The following DCC variants were observed in gnomAD, a reference collection of about 807,000 sequenced individuals.
The protein encoded by DCC is netrin receptor DCC.
DCC carries 58 observed loss-of-function variants against 172.5 expected under a neutral mutation model. The observed-to-expected ratio is 0.34, with a 90% CI of 0.27 to 0.42. The LOEUF is 0.42. Among genes scored for constraint, DCC ranks in the 10% least tolerant of loss-of-function variants. DCC has a pLI of 1.00. For missense variants in DCC, 1,740 were observed against 1,791.0 expected (o/e 0.97, Z 0.51); for synonymous variants, 709 against 644.5 (o/e 1.10, Z -1.52).
At chr18:53,131,629 ACATGCCCAT>A (rs572516236) in intron 7 of DCC, among the ~76,000 whole-genome samples, 13 of 152,152 alleles carry the variant, frequency 8.5e-5, no homozygotes, top group Non-Finnish European at 1.6e-4. Flanking sequence ...AGAACCTATG[ACATGCCCAT>A]CACTGTGTAG....
chr18:53,433,142 T>C (rs531088633), intron 21 of DCC, among the ~76,000 whole-genome samples: 24 of 152,264 alleles, frequency 1.6e-4, no homozygotes, highest in African/African-American at 5.3e-4. Context: ...AGCTACTCCT[T>C]GTTATTTAGA....
intron 1 of DCC, among the ~76,000 whole-genome samples, chr18:52,348,966 G>T (rs1469136602): frequency 6.6e-6 from 1 of 152,052 alleles, no homozygotes; most frequent in African/African-American, 2.4e-5. Flanking sequence ...TTAATTTGAG[G>T]CTCCTTATGA....
chr18:53,388,195 A>C (rs1377455103), intron 16 of DCC, among the ~76,000 whole-genome samples: 1 of 152,250 alleles, frequency 6.6e-6, no homozygotes, highest in East Asian at 1.9e-4. Flanking sequence ...TTCGAGAAGA[A>C]TGCGTGATTC....
intron 15 of DCC, among the ~76,000 whole-genome samples, chr18:53,376,402 A>G (rs1568091517): frequency 6.6e-6 from 1 of 152,190 alleles, no homozygotes. Flanking sequence ...ATAAATAAAT[A>G]TTTAAAAATA....
intron 7 of DCC, among the ~76,000 whole-genome samples, chr18:53,130,097 C>T (rs2043628129): frequency 1.3e-5 from 2 of 152,026 alleles, no homozygotes; most frequent in Non-Finnish European, 1.5e-5. Flanking sequence ...TTTTGCTTGT[C>T]TATTTTTCTT....
intron 2 of DCC, among the ~76,000 whole-genome samples, chr18:52,778,235 G>A (rs79241149): frequency 0.053 from 8,051 of 152,256 alleles, 287 homozygotes; most frequent in South Asian, 0.16. Context: ...ACTATTGTAT[G>A]CAAGTTTATT....
intron 2 of DCC, among the ~76,000 whole-genome samples, chr18:52,886,096 GCTGCAAGCTGCA>G (rs1449370017): frequency 6.6e-6 from 1 of 151,644 alleles, no homozygotes; most frequent in Non-Finnish European, 1.5e-5. Flanking sequence ...CATTTTTGTT[GCTGCAAGCTGCA>G]CTGCCTGGGG....
chr18:53,275,854 C>T (rs1406480355), intron 12 of DCC, among the ~76,000 whole-genome samples: 3 of 151,948 alleles, frequency 2.0e-5, no homozygotes, highest in African/African-American at 7.3e-5. Flanking sequence ...AATTTTTCTG[C>T]CTTTATATTA....
At chr18:52,945,209 T>G (rs2145533804) in intron 5 of DCC, among the ~76,000 whole-genome samples, 1 of 152,302 alleles carries the variant, frequency 6.6e-6, no homozygotes, top group East Asian at 1.9e-4. Context: ...CCTTTAAAAA[T>G]ATGAACTTAG....
At chr18:53,162,066 AG>A (rs1430523523) in intron 8 of DCC, among the ~76,000 whole-genome samples, 1 of 152,124 alleles carries the variant, frequency 6.6e-6, no homozygotes, top group Non-Finnish European at 1.5e-5. Context: ...TGGGAGGCCG[AG>A]GTGAGTGGAT....
At position 53,258,725 on chromosome 18, in the gene DCC, G is replaced by A. The variant is rs2056555041; in HGVS notation, c.1911+43128G>A. On this transcript the variant is annotated intron_variant, in intron 12 of 28. Transcript: ENST00000442544. ...TACGGAGTTCTGTAGATGTCTATTA[G>A]GTCCACTTGGTGCAGAGCTGAGTTT... is the stretch of plus-strand genomic sequence containing the variant. Among the ~76,000 whole-genome samples, 4 of 152,100 alleles carry A rather than the reference G, an allele frequency of 2.6e-5. No individual in the cohort carries two copies. The South Asian group carries it at 8.3e-4, about 32-fold the overall frequency.
chr18:52,395,105 C>T (rs530426957), intron 1 of DCC, among the ~76,000 whole-genome samples: 37 of 152,140 alleles, frequency 2.4e-4, no homozygotes, highest in African/African-American at 8.7e-4. Context: ...GACAACAATC[C>T]TTTGTGTTTA....
At chr18:53,256,188 C>A (rs2056510535) in intron 12 of DCC, among the ~76,000 whole-genome samples, 1 of 152,054 alleles carries the variant, frequency 6.6e-6, no homozygotes, top group African/African-American at 2.4e-5. Flanking sequence ...ATGGTAGTTT[C>A]TTTTGCTGTG....
intron 7 of DCC, 90 bp from the exon 8 acceptor site, chr18:53,157,266 G>A: frequency 6.7e-7 from 1 of 1,494,934 alleles, no homozygotes; most frequent in Non-Finnish European, 9.3e-7. Flanking sequence ...ATGACATGGA[G>A]ATGCTTGCTA....
intron 5 of DCC, among the ~76,000 whole-genome samples, chr18:52,933,093 C>T (rs937537703): frequency 6.6e-6 from 1 of 152,040 alleles, no homozygotes; most frequent in South Asian, 2.1e-4. Context: ...GCTCATTGCT[C>T]AAAATGCTTT....
At chr18:53,384,304 G>A (rs1371467302) in intron 15 of DCC, among the ~76,000 whole-genome samples, 1 of 152,088 alleles carries the variant, frequency 6.6e-6, no homozygotes, top group Non-Finnish European at 1.5e-5. Flanking sequence ...GCCGTAAAAT[G>A]TTATATAAAG....
intron 20 of DCC, among the ~76,000 whole-genome samples, chr18:53,415,590 T>C (rs968178288): frequency 6.6e-6 from 1 of 152,194 alleles, no homozygotes; most frequent in Non-Finnish European, 1.5e-5. Flanking sequence ...TACTTGTAAG[T>C]CCTCTGAAGT....
intron 1 of DCC, among the ~76,000 whole-genome samples, chr18:52,349,874 A>G (rs1396003003): frequency 1.3e-5 from 2 of 152,082 alleles, no homozygotes; most frequent in African/African-American, 2.4e-5. Flanking sequence ...AACTCCCTCT[A>G]GTTTGTTTAT....
In DCC at chr18:52,387,574, T is replaced by TGTTCCTTC. The variant is rs551481939; in HGVS notation, c.91+46696_91+46697insGTTCCTTC. On this transcript the variant is annotated intron_variant, in intron 1 of 28. Transcript: ENST00000442544. Reference sequence around the variant, plus strand: ...CAAAGCCAGGCTGTTTTGTTTTGTTTCTTCCTTCCTTCCTTCCTTCCTTCC... The same window carrying TGTTCCTTC: ...CAAAGCCAGGCTGTTTTGTTTTGTTTGTTCCTTCCTTCCTTCCTTCCTTCCTTCCTTCC... 3.5e-3 allele frequency among the ~76,000 whole-genome samples: 426 copies of TGTTCCTTC among 122,092 alleles called. 6 individuals are homozygous for TGTTCCTTC. The highest frequency in any genetic ancestry group is 0.013 in the African/African-American group (404 of 30,744). 80.1% of individuals were successfully genotyped at this position (122,092 alleles called of 152,430 possible).
Sources: gnomAD v4.1 joint callset for allele counts (sites outside exome capture counted in the v4.1 genomes callset) on GRCh38, gnomAD v4.1.1 for gene constraint, MANE v1.5 for transcripts, NCBI Gene and HGNC (gene_info 2026-07-23, HGNC 2026-07-21) for gene names.